The following DOCK4 variants were observed in gnomAD, a reference collection of about 807,000 sequenced individuals.
DOCK4 encodes dedicator of cytokinesis 4.
In DOCK4, 97 loss-of-function variants were observed where a neutral mutation model predicts 268.1. The ratio of observed to expected loss-of-function variants is 0.36; its 90% confidence interval spans 0.31 to 0.43. The LOEUF (loss-of-function observed/expected upper bound fraction) is 0.43, where lower values mean the gene tolerates loss of function less well. DOCK4 is among the 20% of genes least tolerant of loss of function. DOCK4 has a pLI of 1.00. For missense variants in DOCK4, 2,145 were observed against 2,455.7 expected (o/e 0.87, Z 2.67); for synonymous variants, 954 against 887.2 (o/e 1.08, Z -1.34).
chr7:111,733,785 T>C (rs1281481343), intron 51 of DOCK4, among the ~76,000 whole-genome samples: 4 of 152,216 alleles, frequency 2.6e-5, no homozygotes, highest in Non-Finnish European at 5.9e-5. Flanking sequence ...GGCCGATAAG[T>C]TTTAGGCCTC....
intron 25 of DOCK4, among the ~76,000 whole-genome samples, chr7:111,836,280 G>GT (rs1322460735): frequency 6.6e-6 from 1 of 151,618 alleles, no homozygotes; most frequent in Non-Finnish European, 1.5e-5. Flanking sequence ...CAAAAACAGT[G>GT]TTTCCTTAGT....
chr7:111,926,572 G>T (rs539506863), intron 12 of DOCK4, among the ~76,000 whole-genome samples: 3 of 131,906 alleles, frequency 2.3e-5, no homozygotes, highest in Non-Finnish European at 4.8e-5. Flanking sequence ...GAAGCAGGGC[G>T]GGCGGGCAAG....
intron 16 of DOCK4, among the ~76,000 whole-genome samples, chr7:111,888,549 C>A (rs1237645846): frequency 6.6e-6 from 1 of 151,836 alleles, no homozygotes; most frequent in Admixed American, 6.6e-5. Flanking sequence ...GGTAGAGAGG[C>A]AATACAGCCT....
intron 1 of DOCK4, among the ~76,000 whole-genome samples, chr7:112,061,713 A>G (rs1318357210): frequency 6.7e-6 from 1 of 149,814 alleles, no homozygotes; most frequent in Non-Finnish European, 1.5e-5. Context: ...TTTGTGGAAA[A>G]ATATTCTGGG....
chr7:111,740,355 C>T (rs1022597229), intron 47 of DOCK4: 2 of 193,750 alleles, frequency 1.0e-5, no homozygotes, highest in Admixed American at 1.1e-4. Context: ...CTCACCTCGG[C>T]CTCCCAAAGT....
Position 111,728,648 on chromosome 7 carries a change from A to G in DOCK4, c.5554T>C (p.Leu1852=), listed in dbSNP as rs1345257533. 6.2e-7 allele frequency: 1 copy of G among 1,614,016 alleles called. No homozygotes were observed. The highest frequency in any genetic ancestry group is 2.2e-5 in the East Asian group (1 of 44,872). The change falls in exon 53 of 53, where the codon TTG becomes CTG. Residue 1852 remains leucine (L), a synonymous_variant. Coordinates refer to ENST00000428084, the MANE Select transcript of DOCK4 (RefSeq NM_001363540.2). Reference sequence around the variant, plus strand: ...ATCCCACTGCTGTAGCTGCCCGACAAGACAGGGGAGTTGGAGATGAGTCCT... The same window carrying G: ...ATCCCACTGCTGTAGCTGCCCGACAGGACAGGGGAGTTGGAGATGAGTCCT... The part of the protein sequence containing the change: ...SPGLISNSPV[L]SGSYSSGISS...
At chr7:112,170,693 T>C (rs1818013038) in intron 1 of DOCK4, among the ~76,000 whole-genome samples, 1 of 152,162 alleles carries the variant, frequency 6.6e-6, no homozygotes, top group Non-Finnish European at 1.5e-5. Context: ...TTAATTAGGA[T>C]GCTAAGAAGA....
At chr7:111,882,455 G>T (rs1586257882) in intron 16 of DOCK4, among the ~76,000 whole-genome samples, 1 of 152,126 alleles carries the variant, frequency 6.6e-6, no homozygotes, top group African/African-American at 2.4e-5. Flanking sequence ...TATACAGCTG[G>T]TACGCTCAGA....
intron 13 of DOCK4, among the ~76,000 whole-genome samples, chr7:111,911,626 T>G (rs944752063): frequency 1.3e-5 from 2 of 152,198 alleles, no homozygotes; most frequent in Non-Finnish European, 2.9e-5. Context: ...CGAGCCTTAT[T>G]CCACAGAAGT....
chr7:111,862,247 C>T (rs1461873890), intron 23 of DOCK4, among the ~76,000 whole-genome samples: 3 of 151,214 alleles, frequency 2.0e-5, no homozygotes, highest in African/African-American at 7.3e-5. Context: ...TGCAGTGAGC[C>T]AAGATCATGC....
intron 11 of DOCK4, among the ~76,000 whole-genome samples, chr7:111,938,707 C>A (rs1419872621): frequency 2.0e-5 from 3 of 152,162 alleles, no homozygotes; most frequent in Admixed American, 2.0e-4. Flanking sequence ...TCCTAACCCC[C>A]AGTACCTCAG....
In DOCK4 at chr7:112,004,589, G is replaced by T. The variant is rs11975524; in HGVS notation, c.38-458C>A. Among the ~76,000 whole-genome samples, 446 of 152,292 alleles carry T rather than the reference G, an allele frequency of 2.9e-3. 1 individual carries two copies. The highest frequency in any genetic ancestry group is 6.8e-3 in the Middle Eastern group (2 of 294). On this transcript the variant is annotated intron_variant, in intron 1 of 52. Transcript: ENST00000428084. ...CCTTTCTGCTATATTGTTTGGAGCA[G>T]ATTTCTTTTCCATAAACTGTAAGTT...
At position 112,095,170 on chromosome 7, in the gene DOCK4, T is replaced by C. The variant is rs1284666577; in HGVS notation, c.38-91039A>G. Among the ~76,000 whole-genome samples the C allele has an allele frequency of 2.0e-5, 3 of 152,180 alleles. No individual in the cohort carries two copies. The East Asian group carries it at 5.8e-4, about 29-fold the overall frequency. On this transcript the variant is annotated intron_variant, in intron 1 of 52. Transcript: ENST00000428084. ...TCTTTCAATGGTATAGGGCTGACAT[T>C]TGGCTTCTTTATTTTATATGGATTA...
chr7:112,012,887 A>G (rs1297447695), intron 1 of DOCK4, among the ~76,000 whole-genome samples: 1 of 152,148 alleles, frequency 6.6e-6, no homozygotes, highest in Non-Finnish European at 1.5e-5. Flanking sequence ...CACAAAACAT[A>G]TAACACAGTA....
chr7:111,940,754 A>G (rs1201631428), intron 10 of DOCK4, among the ~76,000 whole-genome samples: 1 of 152,232 alleles, frequency 6.6e-6, no homozygotes, highest in African/African-American at 2.4e-5. Context: ...GTTGTCACCA[A>G]AATGGTTTTA....
At chr7:111,798,236 G>C (rs1779118710) in intron 30 of DOCK4, among the ~76,000 whole-genome samples, 1 of 152,242 alleles carries the variant, frequency 6.6e-6, no homozygotes, top group African/African-American at 2.4e-5. Flanking sequence ...AGGTCACTGG[G>C]TTCAGGACCA....
chr7:111,887,281 C>G (rs1016967046), intron 16 of DOCK4, among the ~76,000 whole-genome samples: 1 of 152,082 alleles, frequency 6.6e-6, no homozygotes, highest in Non-Finnish European at 1.5e-5. Flanking sequence ...TTTGGGAAGA[C>G]CAACTGAAGA....
intron 29 of DOCK4, 36 bp from the exon 30 acceptor site, chr7:111,808,915 C>A: frequency 6.3e-7 from 1 of 1,598,922 alleles, no homozygotes; most frequent in South Asian, 1.1e-5. Flanking sequence ...TGATACAATG[C>A]CTCCAGAACA....
intron 5 of DOCK4, 99 bp from the exon 6 acceptor site, chr7:111,989,262 C>T (rs556273544): frequency 1.3e-6 from 2 of 1,504,818 alleles, no homozygotes; most frequent in African/African-American, 2.7e-5. Context: ...TGGTTACCCA[C>T]TATGTGCTTG....
Sources: gnomAD v4.1 joint callset for allele counts (sites outside exome capture counted in the v4.1 genomes callset) on GRCh38, gnomAD v4.1.1 for gene constraint, MANE v1.5 for transcripts, NCBI Gene and HGNC (gene_info 2026-07-23, HGNC 2026-07-21) for gene names.